The following RYR3 variants were observed in gnomAD, a reference collection of about 807,000 sequenced individuals.
The protein encoded by RYR3 is ryanodine receptor 3.
In RYR3, 207 loss-of-function variants were observed where a neutral mutation model predicts 584.3. That is an observed-to-expected ratio of 0.35 (90% CI 0.32 to 0.40). The LOEUF (loss-of-function observed/expected upper bound fraction) is 0.40. RYR3 is among the 10% of genes least tolerant of loss of function. RYR3 has a pLI of 1.00. For missense variants in RYR3, 5,616 were observed against 6,089.2 expected, an observed-to-expected ratio of 0.92 and a Z score of 2.59; for synonymous variants, 2,416 against 2,248.5, an observed-to-expected ratio of 1.07 and a Z score of -2.11.
At position 33,854,943 on chromosome 15, in the gene RYR3, G is replaced by C. The variant is rs977219186; in HGVS notation, c.14007+31G>C. The C allele has an allele frequency of 4.4e-6, 7 of 1,587,394 alleles. No homozygotes were observed. In the Admixed American group the frequency reaches 5.4e-5, roughly 12 times the overall value. ...GTTTCTACTGATGCAGAACAGAATG[G>C]ACCTGTATATGCACAGGAAAAAAAG... is the stretch of plus-strand genomic sequence containing the variant. On this transcript the variant is annotated intron_variant, in intron 98 of 103. Transcript: ENST00000634891.
chr15:33,526,642 CTT>C (rs35167394), intron 3 of RYR3, among the ~76,000 whole-genome samples: 24,450 of 149,052 alleles, frequency 0.16, 2,161 homozygotes, highest in Middle Eastern at 0.19. Context: ...TTCTCTATGC[CTT>C]TTTTTTTTTT....
At chr15:33,865,087 T>G in intron 103 of RYR3, 44 bp from the exon 104 acceptor site, 1 of 1,499,236 alleles carries the variant, frequency 6.7e-7, no homozygotes, top group Non-Finnish European at 9.3e-7. Context: ...TTTTAGCTTT[T>G]ACTGTGGTTT....
At chr15:33,529,481 G>A (rs2054668242) in intron 3 of RYR3, among the ~76,000 whole-genome samples, 1 of 152,148 alleles carries the variant, frequency 6.6e-6, no homozygotes, top group Admixed American at 6.5e-5. Flanking sequence ...GACGGGCAGA[G>A]CCTCAAACCA....
At chr15:33,511,961 G>A (rs2053064424) in intron 3 of RYR3, among the ~76,000 whole-genome samples, 1 of 152,076 alleles carries the variant, frequency 6.6e-6, no homozygotes, top group Non-Finnish European at 1.5e-5. Flanking sequence ...TGTATTTTTA[G>A]TAGAGACGGG....
At chr15:33,541,924 T>G (rs2055854360) in intron 7 of RYR3, among the ~76,000 whole-genome samples, 1 of 152,154 alleles carries the variant, frequency 6.6e-6, no homozygotes, top group African/African-American at 2.4e-5. Flanking sequence ...TGGGTTTAAG[T>G]CTTTCTCAAG....
chr15:33,491,219 T>C (rs2050936476), intron 2 of RYR3, among the ~76,000 whole-genome samples: 1 of 152,166 alleles, frequency 6.6e-6, no homozygotes, highest in South Asian at 2.1e-4. Context: ...CATCACAAAA[T>C]AAAGCAAAGC....
rs1386162090 is a variant in RYR3, at chr15:33,601,535, G to A, written c.1905G>A (p.Leu635=). Residue 635 remains leucine (L), a synonymous_variant, in exon 17 of 104, where the codon CTG becomes CTA. Transcript: ENST00000634891. ...PRRNLLLQTR[L]INDVTSIRPN... ...GAAACCTACTCCTGCAGACACGACTGATTAACGATGTAACCAGGTAAGGCC... is the reference window on the plus strand; with the variant it reads ...GAAACCTACTCCTGCAGACACGACTAATTAACGATGTAACCAGGTAAGGCC... 6.2e-7 allele frequency: 1 copy of A among 1,613,622 alleles called. No homozygotes were observed. Among genetic ancestry groups the A allele is most frequent in the East Asian group, 2.2e-5 (1 of 44,860 alleles).
chr15:33,438,847 T>C (rs1421657575), intron 1 of RYR3, among the ~76,000 whole-genome samples: 4 of 152,142 alleles, frequency 2.6e-5, no homozygotes, highest in Non-Finnish European at 5.9e-5. Context: ...ATCACAAAAA[T>C]ACACCTGCAC....
Position 33,537,913 on chromosome 15 carries a change from A to G in RYR3, c.434-1437A>G, listed in dbSNP as rs775904113. On this transcript the variant is annotated intron_variant, in intron 5 of 103. Coordinates refer to ENST00000634891, the MANE Select transcript of RYR3 (RefSeq NM_001036.6). ...GGAATTCCTCTAGGTTGGTTTTTTGATAATTCTGTTTTTTGTCTTCCTTCC... is the reference window on the plus strand; with the variant it reads ...GGAATTCCTCTAGGTTGGTTTTTTGGTAATTCTGTTTTTTGTCTTCCTTCC... Among the ~76,000 whole-genome samples, 34 of 151,170 alleles carry G rather than the reference A, an allele frequency of 2.2e-4. 1 individual carries two copies. The highest frequency in any genetic ancestry group is 1.8e-4 in the Non-Finnish European group (12 of 67,794).
intron 1 of RYR3, among the ~76,000 whole-genome samples, chr15:33,451,689 A>G (rs576571554): frequency 8.5e-5 from 13 of 152,342 alleles, no homozygotes; most frequent in African/African-American, 3.1e-4. Context: ...GTGACATAGC[A>G]AGGAAGATGG....
At chr15:33,786,146 T>G (rs2074693038) in intron 66 of RYR3, among the ~76,000 whole-genome samples, 164 bp downstream of exon 66, 1 of 152,162 alleles carries the variant, frequency 6.6e-6, no homozygotes, top group South Asian at 2.1e-4. Context: ...AATTGACATA[T>G]TCCCCTGAAG....
chr15:33,785,586 A>G, intron 65 of RYR3, 76 bp from the exon 66 acceptor site: 1 of 1,190,242 alleles, frequency 8.4e-7, no homozygotes, highest in South Asian at 1.6e-5. Flanking sequence ...ACCAAAGGAA[A>G]GGAGGGGCAG....
At chr15:33,633,188 A>C (rs1160539478) in intron 24 of RYR3, 80 bp downstream of exon 24, 11 of 1,464,102 alleles carry the variant, frequency 7.5e-6, no homozygotes, top group Non-Finnish European at 6.5e-6. Flanking sequence ...GGTGTGTGTT[A>C]GATCAGAAGG....
chr15:33,470,356 G>A (rs1221633447), intron 1 of RYR3, among the ~76,000 whole-genome samples: 1 of 152,018 alleles, frequency 6.6e-6, no homozygotes, highest in African/African-American at 2.4e-5. Flanking sequence ...GGAAAATTTT[G>A]TGGTCTTGTT....
chr15:33,315,232 G>A (rs113922514), intron 1 of RYR3, among the ~76,000 whole-genome samples: 3 of 152,162 alleles, frequency 2.0e-5, no homozygotes, highest in Non-Finnish European at 2.9e-5. Flanking sequence ...TCCCCAGAGC[G>A]CGCTGTCTTG....
Position 33,842,009 on chromosome 15 carries a change from C to T in RYR3, c.13183C>T (p.Leu4395=), listed in dbSNP as rs1206386996. 6.2e-7 allele frequency: 1 copy of T among 1,602,700 alleles called. No individual in the cohort carries two copies. The highest frequency in any genetic ancestry group is 1.3e-5 in the African/African-American group (1 of 74,894). Reference sequence around the variant, plus strand: ...TTTCACAGCCAATTTCTTTAAAGGGCTGGAAATCTATCAGACCAAGTTACT... The same window carrying T: ...TTTCACAGCCAATTTCTTTAAAGGGTTGGAAATCTATCAGACCAAGTTACT... ...EAFTANFFKG[L]EIYQTKLLHY... The change falls in exon 91 of 104, where the codon CTG becomes TTG. Residue 4395 remains leucine (L), a synonymous_variant. Coordinates refer to ENST00000634891, the MANE Select transcript of RYR3 (RefSeq NM_001036.6).
In RYR3 at chr15:33,422,675, C is replaced by G. The variant is rs548661242; in HGVS notation, c.52-50744C>G. Among the ~76,000 whole-genome samples, 12 of 152,176 alleles carry G rather than the reference C, an allele frequency of 7.9e-5. No individual in the cohort carries two copies. The South Asian group carries it at 2.5e-3, about 32-fold the overall frequency. ...GAGAGAGGAGAGAACCTCGCACATCCTGGGACTCTTCTGTATCGTGGGGCC... is the reference window on the plus strand; with the variant it reads ...GAGAGAGGAGAGAACCTCGCACATCGTGGGACTCTTCTGTATCGTGGGGCC... On this transcript the variant is annotated intron_variant, in intron 1 of 103. Coordinates refer to ENST00000634891, the MANE Select transcript of RYR3 (RefSeq NM_001036.6).
intron 3 of RYR3, among the ~76,000 whole-genome samples, chr15:33,515,027 T>G (rs765819611): frequency 6.6e-6 from 1 of 152,142 alleles, no homozygotes; most frequent in South Asian, 2.1e-4. Context: ...TCCAGTTATG[T>G]TAAACAATTT....
Position 33,604,775 on chromosome 15 carries a change from A to G in RYR3, c.2164+1411A>G, listed in dbSNP as rs565473765. 3.3e-5 allele frequency among the ~76,000 whole-genome samples: 5 copies of G among 152,350 alleles called. No homozygotes were observed. In the South Asian group the frequency reaches 1.0e-3, roughly 32 times the overall value. On this transcript the variant is annotated intron_variant, in intron 18 of 103. Transcript: ENST00000634891. Reference sequence around the variant, plus strand: ...GGAGCCACTGAGTCTGTGGCTATGAAGTAGTGACCTTAAGCTTAGGTTATC... The same window carrying G: ...GGAGCCACTGAGTCTGTGGCTATGAGGTAGTGACCTTAAGCTTAGGTTATC...
Sources: allele counts gnomAD v4.1 joint callset (sites outside exome capture counted in the v4.1 genomes callset), GRCh38; gene constraint gnomAD v4.1.1; transcripts MANE v1.5; gene names NCBI Gene and HGNC (gene_info 2026-07-23, HGNC 2026-07-21).